The following TNNI3K variants were observed in gnomAD, a reference collection of about 807,000 sequenced individuals.
The protein encoded by TNNI3K is TNNI3 interacting kinase.
TNNI3K carries 140 observed loss-of-function variants against 114.5 expected under a neutral mutation model. That is an observed-to-expected ratio of 1.22 (90% confidence interval 1.07 to 1.41). TNNI3K has a LOEUF of 1.41. TNNI3K is among the 40% of genes most tolerant of loss of function. The probability of loss-of-function intolerance (pLI) is 0.00; values close to 1 mark genes in which losing one functional copy is unlikely to be tolerated. For synonymous variants in TNNI3K, 347 were observed against 347.5 expected (o/e 1.00, Z 0.02); for missense variants, 1,125 against 1,007.6 (o/e 1.12, Z -1.58).
intron 20 of TNNI3K, among the ~76,000 whole-genome samples, chr1:74,462,355 T>C (rs45467701): frequency 6.6e-6 from 1 of 152,296 alleles, no homozygotes; most frequent in Non-Finnish European, 1.5e-5. Flanking sequence ...ATGCTTACAA[T>C]ACCACAATCT....
At chr1:74,283,911 T>C (rs1335890933) in intron 5 of TNNI3K, among the ~76,000 whole-genome samples, 1 of 152,196 alleles carries the variant, frequency 6.6e-6, no homozygotes, top group Non-Finnish European at 1.5e-5. Context: ...GAAACGCCTA[T>C]ATATTTTAAT....
intron 23 of TNNI3K, among the ~76,000 whole-genome samples, chr1:74,535,204 C>A (rs1284607111): frequency 6.6e-6 from 1 of 152,132 alleles, no homozygotes; most frequent in African/African-American, 2.4e-5. Flanking sequence ...TCATAGAATT[C>A]TGTGGCTCAC....
chr1:74,281,904 C>T (rs2100255090), intron 5 of TNNI3K, among the ~76,000 whole-genome samples: 1 of 152,222 alleles, frequency 6.6e-6, no homozygotes, highest in South Asian at 2.1e-4. Flanking sequence ...GATAATTAAA[C>T]ATCTTGTTTC....
intron 20 of TNNI3K, among the ~76,000 whole-genome samples, chr1:74,448,616 T>A (rs985902173): frequency 1.7e-4 from 22 of 130,406 alleles, no homozygotes; most frequent in Non-Finnish European, 3.0e-4. Context: ...AGATAGCTCT[T>A]ATCATTTTGA....
At chr1:74,262,063 T>C (rs1655709358) in intron 4 of TNNI3K, among the ~76,000 whole-genome samples, 1 of 152,138 alleles carries the variant, frequency 6.6e-6, no homozygotes. Context: ...TCCTGACTTT[T>C]TTTTTCCTCC....
chr1:74,306,973 A>C (rs517169), intron 5 of TNNI3K, among the ~76,000 whole-genome samples: 1 of 152,206 alleles, frequency 6.6e-6, no homozygotes, highest in African/African-American at 2.4e-5. Flanking sequence ...AGGTCTTCTC[A>C]TAGGGCTTTT....
intron 21 of TNNI3K, chr1:74,475,700 G>T (rs1405293535): frequency 8.5e-6 from 6 of 707,030 alleles, no homozygotes; most frequent in East Asian, 8.1e-5. Flanking sequence ...GCACACAGGG[G>T]TTCATCGAAG....
intron 11 of TNNI3K, among the ~76,000 whole-genome samples, chr1:74,355,419 C>T (rs1451020779): frequency 6.6e-6 from 1 of 152,040 alleles, no homozygotes; most frequent in Non-Finnish European, 1.5e-5. Context: ...GCCTGGCCAA[C>T]ATGGTGAAAC....
chr1:74,326,274 T>A (rs2100397481), intron 5 of TNNI3K, among the ~76,000 whole-genome samples: 1 of 152,314 alleles, frequency 6.6e-6, no homozygotes, highest in African/African-American at 2.4e-5. Flanking sequence ...CCTATTCTAT[T>A]TTCTCTTCCA....
At chr1:74,426,267 A>G (rs1665637126) in intron 17 of TNNI3K, among the ~76,000 whole-genome samples, 1 of 152,080 alleles carries the variant, frequency 6.6e-6, no homozygotes, top group African/African-American at 2.4e-5. Context: ...CTGAAGTCAT[A>G]CTTTTAAAAA....
chr1:74,354,364 G>A (rs922098261), intron 11 of TNNI3K, among the ~76,000 whole-genome samples: 13 of 152,034 alleles, frequency 8.6e-5, no homozygotes, highest in Admixed American at 5.2e-4. Context: ...CTTTGAAAAG[G>A]GAATTGTCAC....
At chr1:74,367,778 C>T in intron 12 of TNNI3K, 130 bp from the exon 13 acceptor site, 1 of 811,488 alleles carries the variant, frequency 1.2e-6, no homozygotes, top group South Asian at 1.9e-5. Context: ...TTTCAGTATC[C>T]AGAGAAAGAT....
intron 9 of TNNI3K, among the ~76,000 whole-genome samples, chr1:74,343,897 C>T (rs1400916731): frequency 6.6e-6 from 1 of 152,138 alleles, no homozygotes; most frequent in Non-Finnish European, 1.5e-5. Flanking sequence ...AAATCTAAGG[C>T]TTTCATTTTT....
intron 9 of TNNI3K, among the ~76,000 whole-genome samples, chr1:74,350,014 C>T (rs1422700947): frequency 6.6e-6 from 1 of 152,142 alleles, no homozygotes; most frequent in African/African-American, 2.4e-5. Flanking sequence ...CTTCTGCTAG[C>T]TTTTGAATGT....
chr1:74,268,736 A>G (rs1656167630), intron 4 of TNNI3K, among the ~76,000 whole-genome samples: 1 of 151,892 alleles, frequency 6.6e-6, no homozygotes, highest in Non-Finnish European at 1.5e-5. Flanking sequence ...AATTCTAATT[A>G]GGGAGGCTAA....
chr1:74,490,319 G>A (rs1557602380), intron 22 of TNNI3K, among the ~76,000 whole-genome samples: 1 of 152,194 alleles, frequency 6.6e-6, no homozygotes. Flanking sequence ...GTGGACAAAA[G>A]CATCTGCCAG....
chr1:74,335,910 A>C, intron 6 of TNNI3K, 101 bp from the exon 7 acceptor site: 2 of 1,312,526 alleles, frequency 1.5e-6, no homozygotes, highest in Non-Finnish European at 2.0e-6. Context: ...ATATAACAAT[A>C]AATTTTTGTG....
chr1:74,533,013 T>G (rs1053561224), intron 23 of TNNI3K, among the ~76,000 whole-genome samples: 21 of 152,136 alleles, frequency 1.4e-4, no homozygotes, highest in African/African-American at 5.1e-4. Context: ...GGGCAAGGAC[T>G]TCATGTCCAA....
chr1:74,238,645 G>A (rs1200556523), intron 2 of TNNI3K, among the ~76,000 whole-genome samples: 1 of 152,044 alleles, frequency 6.6e-6, no homozygotes, highest in Non-Finnish European at 1.5e-5. Context: ...GATTGAAAGG[G>A]ATTTGAAGAA....
Sources: allele counts gnomAD v4.1 joint callset (sites outside exome capture counted in the v4.1 genomes callset), GRCh38; gene constraint gnomAD v4.1.1; transcripts MANE v1.5; gene names NCBI Gene and HGNC (gene_info 2026-07-23, HGNC 2026-07-21).